Variants in TMED3 observed in about 807,000 individuals in gnomAD.
The protein encoded by TMED3 is transmembrane emp24 domain-containing protein 3.
In TMED3, 9 loss-of-function variants were observed where a neutral mutation model predicts 15.0. The ratio of observed to expected loss-of-function variants is 0.60; its 90% CI spans 0.36 to 1.04. The LOEUF (loss-of-function observed/expected upper bound fraction) is 1.04, where lower values mean the gene tolerates loss of function less well. Ranked by LOEUF, TMED3 falls within the 50% of genes least tolerant of loss-of-function variation. The pLI is 0.01. For synonymous variants in TMED3, 117 were observed against 121.4 expected, an observed-to-expected ratio of 0.96 and a Z score of 0.24; for missense variants, 267 against 278.9, an observed-to-expected ratio of 0.96 and a Z score of 0.30.
chr15:79,384,564 G>A (rs1171608789), intron 2 of TMED3: 1 of 152,150 alleles, frequency 6.6e-6, no homozygotes, highest in Non-Finnish European at 1.5e-5. Flanking sequence ...TATAGCTGGT[G>A]GGACAAAGAG....
chr15:79,375,030 A>G (rs1893401096), intron 2 of TMED3, among the ~76,000 whole-genome samples: 1 of 152,204 alleles, frequency 6.6e-6, no homozygotes, highest in Admixed American at 6.5e-5. Context: ...TGTCTTCACA[A>G]TGCTAGATAC....
At chr15:79,356,040 A>C (rs1473934513) in intron 2 of TMED3, among the ~76,000 whole-genome samples, 1 of 152,116 alleles carries the variant, frequency 6.6e-6, no homozygotes, top group Non-Finnish European at 1.5e-5. Flanking sequence ...TGTCCTCATT[A>C]GTTGGGGGAA....
At chr15:79,372,461 C>T (rs1893357611) in intron 2 of TMED3, among the ~76,000 whole-genome samples, 1 of 152,184 alleles carries the variant, frequency 6.6e-6, no homozygotes, top group South Asian at 2.1e-4. Flanking sequence ...ATATCTGAGG[C>T]TGGGTAATTT....
intron 2 of TMED3, among the ~76,000 whole-genome samples, chr15:79,409,214 T>C (rs941791386): frequency 1.1e-4 from 17 of 152,250 alleles, no homozygotes; most frequent in African/African-American, 3.9e-4. Context: ...GAGAGACTTT[T>C]CTTGATGAGC....
intron 2 of TMED3, among the ~76,000 whole-genome samples, chr15:79,352,973 T>A (rs1457094247): frequency 3.5e-5 from 4 of 114,782 alleles, no homozygotes; most frequent in South Asian, 2.3e-4. Flanking sequence ...ATATATAAAA[T>A]ATATATAAAT....
chr15:79,321,921 T>C (rs1251242139), intron 2 of TMED3, 57 bp from the exon 3 acceptor site: 4 of 1,580,082 alleles, frequency 2.5e-6, no homozygotes, highest in Non-Finnish European at 3.5e-6. Context: ...TGCTGTTTGC[T>C]GGATCCCACA....
At chr15:79,407,581 G>T (rs1272343887) in intron 2 of TMED3, among the ~76,000 whole-genome samples, 2 of 152,164 alleles carry the variant, frequency 1.3e-5, no homozygotes, top group African/African-American at 2.4e-5. Flanking sequence ...TGTGTCAAGG[G>T]TTGGCCAACT....
intron 2 of TMED3, among the ~76,000 whole-genome samples, chr15:79,379,579 A>C (rs1208610604): frequency 6.6e-6 from 1 of 152,194 alleles, no homozygotes; most frequent in African/African-American, 2.4e-5. Flanking sequence ...TGCGATGTAA[A>C]GTGTGGCTAA....
At chr15:79,339,932 T>G (rs55950266) in intron 2 of TMED3, among the ~76,000 whole-genome samples, 1 of 151,028 alleles carries the variant, frequency 6.6e-6, no homozygotes, top group Non-Finnish European at 1.5e-5. Context: ...AGATGATGTG[T>G]GTAGAGAGCA....
intron 2 of TMED3, among the ~76,000 whole-genome samples, chr15:79,352,867 CATATATAAAATATACATATAAT>C (rs1176015603): frequency 0.011 from 1,086 of 96,290 alleles, 14 homozygotes; most frequent in African/African-American, 0.039. Context: ...ATAAAATATA[CATATATAAAATATACATATAAT>C]ATATATAAAA....
At chr15:79,311,502 C>T (rs1276132760) in intron 1 of TMED3, 85 bp downstream of exon 1, 18 of 1,457,668 alleles carry the variant, frequency 1.2e-5, no homozygotes, top group Non-Finnish European at 1.7e-5. Context: ...ACTGGAGGCG[C>T]TCGAATTAGC....
chr15:79,386,009 G>A (rs1053162567), intron 2 of TMED3, among the ~76,000 whole-genome samples: 1 of 152,202 alleles, frequency 6.6e-6, no homozygotes, highest in African/African-American at 2.4e-5. Flanking sequence ...TAGACCAGGG[G>A]AGAAATTTGC....
rs71150909 is a variant in TMED3 at position 79,410,698 on chromosome 15, G to GTATATATA, written c.418-691_418-684dup. Among the ~76,000 whole-genome samples the GTATATATA allele has an allele frequency of 1.6e-3, 243 of 148,986 alleles. 1 individual carries two copies. The Middle Eastern group carries it at 0.018, about 11-fold the overall frequency. On this transcript the variant is annotated intron_variant, in intron 2 of 2. Coordinates refer to the TMED3 transcript ENST00000424155. ...TATATATATGTGTATATGTGTGTGT[G>GTATATATA]TATATATATATATATATACATTCTC...
At chr15:79,340,536 C>T (rs2058847854) in intron 2 of TMED3, among the ~76,000 whole-genome samples, 1 of 152,100 alleles carries the variant, frequency 6.6e-6, no homozygotes, top group African/African-American at 2.4e-5. Context: ...CGTGAAGTGC[C>T]AAAAAATTTT....
intron 2 of TMED3, among the ~76,000 whole-genome samples, chr15:79,407,993 G>A (rs185326953): frequency 3.3e-5 from 5 of 152,302 alleles, no homozygotes; most frequent in African/African-American, 1.2e-4. Flanking sequence ...GTCATTCAGA[G>A]TACTAGTTCC....
chr15:79,374,859 A>G (rs1405383730), intron 2 of TMED3, among the ~76,000 whole-genome samples: 4 of 152,164 alleles, frequency 2.6e-5, no homozygotes, highest in Non-Finnish European at 5.9e-5. Context: ...CTGGACCCCA[A>G]GAAACACAGT....
chr15:79,413,239 G>T (rs1039035063), exon 3 of TMED3: 2 of 152,168 alleles, frequency 1.3e-5, no homozygotes, highest in South Asian at 2.1e-4. Flanking sequence ...AAACTTAAAA[G>T]ATTTTTAAAA....
intron 2 of TMED3, among the ~76,000 whole-genome samples, chr15:79,338,555 T>G (rs1484885738): frequency 6.6e-6 from 1 of 152,134 alleles, no homozygotes; most frequent in Non-Finnish European, 1.5e-5. Flanking sequence ...TAGTAAAATA[T>G]AAAATAAGAA....
chr15:79,334,222 A>G (rs902512549), intron 2 of TMED3, among the ~76,000 whole-genome samples: 8 of 152,352 alleles, frequency 5.3e-5, no homozygotes, highest in African/African-American at 1.9e-4. Flanking sequence ...GGAAAGAGCC[A>G]TAGTCAAAAA....
Sources: gnomAD v4.1 joint callset for allele counts (sites outside exome capture counted in the v4.1 genomes callset) on GRCh38, gnomAD v4.1.1 for gene constraint, MANE v1.5 for transcripts, NCBI Gene and HGNC (gene_info 2026-07-23, HGNC 2026-07-21) for gene names.